Variants in KCNK10 observed in about 807,000 individuals in gnomAD.
The protein encoded by KCNK10 is potassium two pore domain channel subfamily K member 10.
KCNK10 carries 25 observed loss-of-function variants against 47.7 expected under a neutral mutation model. The ratio of observed to expected loss-of-function variants is 0.52; its 90% confidence interval spans 0.38 to 0.73. The LOEUF is 0.73. Ranked by LOEUF, KCNK10 falls within the 30% of genes least tolerant of loss-of-function variation. KCNK10 has a pLI of 0.00. For missense variants in KCNK10, 563 were observed against 714.5 expected (o/e 0.79, Z 2.42); for synonymous variants, 303 against 285.6 (o/e 1.06, Z -0.61).
intron 4 of KCNK10, among the ~76,000 whole-genome samples, chr14:88,219,776 C>G (rs1885737088): frequency 1.3e-5 from 2 of 152,166 alleles, no homozygotes; most frequent in Non-Finnish European, 2.9e-5. Flanking sequence ...TTGCTGAGCT[C>G]CAGCCCCACC....
chr14:88,259,065 T>C (rs1281397065), intron 2 of KCNK10, among the ~76,000 whole-genome samples: 6 of 152,218 alleles, frequency 3.9e-5, no homozygotes, highest in Non-Finnish European at 5.9e-5. Context: ...TAGTACTATC[T>C]TTCCAACTTA....
At chr14:88,189,141 C>A (rs373340509) in intron 5 of KCNK10, among the ~76,000 whole-genome samples, 1 of 152,200 alleles carries the variant, frequency 6.6e-6, no homozygotes, top group African/African-American at 2.4e-5. Context: ...CCACATCTAG[C>A]GCCACTGAGT....
At chr14:88,236,345 A>G (rs764112089) in intron 3 of KCNK10, among the ~76,000 whole-genome samples, 36 of 151,990 alleles carry the variant, frequency 2.4e-4, no homozygotes, top group Non-Finnish European at 4.6e-4. Flanking sequence ...AGAAAATGTG[A>G]GTCAATAAAA....
At chr14:88,271,620 T>C (rs1321063005) in intron 1 of KCNK10, among the ~76,000 whole-genome samples, 1 of 152,116 alleles carries the variant, frequency 6.6e-6, no homozygotes, top group Non-Finnish European at 1.5e-5. Flanking sequence ...ACTTGTGAGA[T>C]TTTAAAAATT....
chr14:88,233,084 G>A (rs181332094), intron 3 of KCNK10, among the ~76,000 whole-genome samples: 2 of 152,296 alleles, frequency 1.3e-5, no homozygotes. Context: ...AGCATGTATT[G>A]GGATGTTCTC....
At chr14:88,212,481 C>T (rs956756997) in intron 4 of KCNK10, among the ~76,000 whole-genome samples, 10 of 151,966 alleles carry the variant, frequency 6.6e-5, no homozygotes, top group Non-Finnish European at 1.3e-4. Context: ...ACTATGAATT[C>T]GGGAGTCACC....
At chr14:88,305,078 A>G (rs1264818172) in intron 1 of KCNK10, among the ~76,000 whole-genome samples, 2 of 152,156 alleles carry the variant, frequency 1.3e-5, no homozygotes, top group African/African-American at 4.8e-5. Flanking sequence ...GCATGCCTGT[A>G]GTCCCAGCTA....
chr14:88,204,565 C>T (rs761948241), intron 4 of KCNK10, among the ~76,000 whole-genome samples: 2 of 144,248 alleles, frequency 1.4e-5, no homozygotes, highest in African/African-American at 5.2e-5. Context: ...AGGGACCCCA[C>T]CCCCCGCCAT....
chr14:88,205,218 T>A (rs936615251), intron 4 of KCNK10, among the ~76,000 whole-genome samples: 1 of 152,264 alleles, frequency 6.6e-6, no homozygotes, highest in Non-Finnish European at 1.5e-5. Context: ...CATGGCTTCA[T>A]AGCTCATTTC....
intron 2 of KCNK10, among the ~76,000 whole-genome samples, chr14:88,245,649 T>C (rs774776903): frequency 2.7e-5 from 4 of 149,912 alleles, no homozygotes; most frequent in African/African-American, 2.5e-5. Context: ...GGTGAGATCA[T>C]CTGTTTCTCT....
chr14:88,326,655 C>T (rs1888669874), upstream of KCNK10: 4 of 587,296 alleles, frequency 6.8e-6, no homozygotes, highest in Non-Finnish European at 1.2e-5. Flanking sequence ...CCACTGCGTC[C>T]TGGGTGCACT....
intron 1 of KCNK10, among the ~76,000 whole-genome samples, chr14:88,319,198 C>G (rs918637116): frequency 6.6e-6 from 1 of 152,128 alleles, no homozygotes; most frequent in Non-Finnish European, 1.5e-5. Flanking sequence ...TTTACCTACA[C>G]CTCTTGACAA....
At chr14:88,197,110 T>C (rs1415421890) in intron 4 of KCNK10, among the ~76,000 whole-genome samples, 2 of 152,180 alleles carry the variant, frequency 1.3e-5, no homozygotes, top group Non-Finnish European at 2.9e-5. Flanking sequence ...GAAAAAAGTT[T>C]ATATCCAGCT....
At chr14:88,303,587 G>A (rs904915984) in intron 1 of KCNK10, among the ~76,000 whole-genome samples, 1 of 152,176 alleles carries the variant, frequency 6.6e-6, no homozygotes, top group East Asian at 1.9e-4. Flanking sequence ...CAAGTAGAGA[G>A]GGAGAGATCA....
At position 88,269,522 on chromosome 14, in the gene KCNK10, C is replaced by T. The variant is rs535251582; in HGVS notation, c.53-5971G>A. ...GCACAATTATAGCTCACTGTAACCTCGAATTCCTGGCTTGAGCTATCCTCC... is the reference window on the plus strand; with the variant it reads ...GCACAATTATAGCTCACTGTAACCTTGAATTCCTGGCTTGAGCTATCCTCC... On this transcript the variant is annotated intron_variant, in intron 1 of 6. Coordinates refer to ENST00000319231, the MANE Select transcript of KCNK10 (RefSeq NM_138317.3). Among the ~76,000 whole-genome samples, 94 of 152,304 alleles carry T rather than the reference C, an allele frequency of 6.2e-4. 1 individual carries two copies. Among genetic ancestry groups the T allele is most frequent in the Admixed American group, 6.1e-3 (94 of 15,308 alleles).
intron 4 of KCNK10, among the ~76,000 whole-genome samples, chr14:88,225,585 T>C (rs1885957396): frequency 6.6e-6 from 1 of 152,178 alleles, no homozygotes; most frequent in African/African-American, 2.4e-5. Context: ...TCACTTCAAA[T>C]ATAGTAACTA....
At chr14:88,277,198 T>C (rs1382086300) in intron 1 of KCNK10, among the ~76,000 whole-genome samples, 5 of 136,852 alleles carry the variant, frequency 3.7e-5, no homozygotes, top group African/African-American at 1.1e-4. Context: ...AAACCTCCTA[T>C]ACAAAACTTA....
chr14:88,231,450 A>C (rs1389517456), intron 3 of KCNK10, among the ~76,000 whole-genome samples: 1 of 152,220 alleles, frequency 6.6e-6, no homozygotes, highest in Admixed American at 6.5e-5. Flanking sequence ...TGATGTGGGC[A>C]GAGTCAGGTG....
chr14:88,218,634 C>T (rs1386267267), intron 4 of KCNK10, among the ~76,000 whole-genome samples: 6 of 151,790 alleles, frequency 4.0e-5, no homozygotes, highest in East Asian at 1.9e-4. Flanking sequence ...TGATCCGAGC[C>T]GGAAAAAAAG....
Sources: allele counts gnomAD v4.1 joint callset (sites outside exome capture counted in the v4.1 genomes callset), GRCh38; gene constraint gnomAD v4.1.1; transcripts MANE v1.5; gene names NCBI Gene and HGNC (gene_info 2026-07-23, HGNC 2026-07-21).